Variants in ADRA1B observed in about 807,000 individuals in gnomAD.
ADRA1B encodes the protein alpha-1B adrenergic receptor.
A neutral mutation model predicts 17.9 loss-of-function variants in ADRA1B; 17 were observed. That is an observed-to-expected ratio of 0.95 (90% CI 0.65 to 1.42). The LOEUF (loss-of-function observed/expected upper bound fraction) is 1.42. Among genes scored for constraint, ADRA1B ranks in the 40% most tolerant of loss-of-function variants. The pLI is 0.00. For missense variants in ADRA1B, 681 were observed against 722.1 expected (o/e 0.94, Z 0.65); for synonymous variants, 366 against 327.6 (o/e 1.12, Z -1.27).
At chr5:159,874,326 C>T (rs181056476) in intron 1 of ADRA1B, among the ~76,000 whole-genome samples, 3 of 152,268 alleles carry the variant, frequency 2.0e-5, no homozygotes, top group Admixed American at 2.0e-4. Context: ...GAAATAAATT[C>T]CTTATTTTCT....
At chr5:159,884,229 G>T (rs972039990) in intron 1 of ADRA1B, among the ~76,000 whole-genome samples, 2 of 152,244 alleles carry the variant, frequency 1.3e-5, no homozygotes, top group African/African-American at 4.8e-5. Flanking sequence ...TAAATGGCAT[G>T]CTATTATGTT....
upstream of ADRA1B, among the ~76,000 whole-genome samples, chr5:159,913,972 A>G (rs904606100): frequency 2.0e-5 from 3 of 152,158 alleles, no homozygotes; most frequent in South Asian, 2.1e-4. Context: ...TCCCCTTATA[A>G]GTAAACCAGC....
Position 159,916,839 on chromosome 5 carries a change from TG to T in ADRA1B, c.-66del. On this transcript the variant is annotated 5_prime_UTR_variant, in exon 1 of 2. The change abolishes the stop of an existing upstream ORF in the 5' untranslated region. Transcript: ENST00000306675. ...GGGGGAAGCAAAGTTTCAGGGCAGC[TG>T]AGGAGCCTTCGCCGCAGCCCTTCCG... 1 of 1,469,226 alleles carries T rather than the reference TG, an allele frequency of 6.8e-7. No individual in the cohort carries two copies. Among genetic ancestry groups the T allele is most frequent in the South Asian group, 1.3e-5 (1 of 75,684 alleles). 91.0% of individuals were successfully genotyped at this position (1,469,226 alleles called of 1,614,324 possible).
At chr5:159,984,824 G>C in the ADRA1B span, among the ~76,000 whole-genome samples, 1 of 151,306 alleles carries the variant, frequency 6.6e-6, no homozygotes, top group African/African-American at 2.4e-5. Flanking sequence ...CAGGAGAATT[G>C]CTTGAACCTG....
intron 1 of ADRA1B, among the ~76,000 whole-genome samples, chr5:159,962,896 CTT>C (rs1212672838): frequency 1.9e-5 from 1 of 53,604 alleles, no homozygotes; most frequent in Non-Finnish European, 3.8e-5. Flanking sequence ...GCTTTTATTT[CTT>C]TTTCTTTTCT....
At chr5:159,921,112 T>C (rs557673312) in intron 1 of ADRA1B, among the ~76,000 whole-genome samples, 2 of 152,324 alleles carry the variant, frequency 1.3e-5, no homozygotes, top group Admixed American at 1.3e-4. Flanking sequence ...CTTCATCTCT[T>C]ATTTTTATTT....
chr5:159,948,625 T>C (rs538536279), intron 1 of ADRA1B: 1 of 248,492 alleles, frequency 4.0e-6, no homozygotes, highest in East Asian at 1.8e-4. Context: ...CAGCCATTTT[T>C]CTATGGCATA....
chr5:159,973,267 G>A (rs1430759433), downstream of ADRA1B, among the ~76,000 whole-genome samples: 1 of 152,184 alleles, frequency 6.6e-6, no homozygotes, highest in Non-Finnish European at 1.5e-5. Context: ...TGAACGTGAC[G>A]CCCTGGACTT....
chr5:159,873,270 T>C (rs542452384), intron 1 of ADRA1B, among the ~76,000 whole-genome samples: 8 of 152,300 alleles, frequency 5.3e-5, no homozygotes, highest in African/African-American at 1.9e-4. Flanking sequence ...GAATGATTTA[T>C]AATCCTTTGG....
intron 1 of ADRA1B, among the ~76,000 whole-genome samples, chr5:159,906,328 A>G (rs1754160633): frequency 6.6e-6 from 1 of 152,204 alleles, no homozygotes; most frequent in South Asian, 2.1e-4. Context: ...CCTCTCTATG[A>G]GACATTCAAC....
At chr5:159,986,863 C>T in the ADRA1B span, among the ~76,000 whole-genome samples, 1 of 152,190 alleles carries the variant, frequency 6.6e-6, no homozygotes, top group Admixed American at 6.5e-5. Flanking sequence ...TTTTACTCCC[C>T]CCTCAACGGC....
At position 159,972,867 on chromosome 5, in the gene ADRA1B, G is replaced by C. The variant is rs532185249; in HGVS notation, c.*375G>C. On this transcript the variant is annotated 3_prime_UTR_variant, in exon 2 of 2. Coordinates refer to ENST00000306675, the MANE Select transcript of ADRA1B (RefSeq NM_000679.4). ...GTGCGTGGGGCCGCCCTGTGAGGGC[G>C]CGGCGACTGTGCGCCCAGGAGGCAA... Among the ~76,000 whole-genome samples, 2 of 152,216 alleles carry C rather than the reference G, an allele frequency of 1.3e-5. No individual in the cohort carries two copies. The highest frequency in any genetic ancestry group is 2.9e-5 in the Non-Finnish European group (2 of 68,030).
intron 1 of ADRA1B, among the ~76,000 whole-genome samples, chr5:159,925,736 A>G (rs1300681803): frequency 6.6e-6 from 1 of 152,208 alleles, no homozygotes; most frequent in Non-Finnish European, 1.5e-5. Context: ...CCCACACAAA[A>G]TCTGTCTTAA....
At chr5:159,974,929 T>G (rs537005705), downstream of ADRA1B, among the ~76,000 whole-genome samples, 32 of 152,276 alleles carry the variant, frequency 2.1e-4, no homozygotes, top group African/African-American at 7.7e-4. Flanking sequence ...GTCTTCTGCC[T>G]CTTTGTCCAG....
chr5:159,910,908 T>C (rs1398394957), intron 1 of ADRA1B, among the ~76,000 whole-genome samples: 1 of 152,204 alleles, frequency 6.6e-6, no homozygotes, highest in African/African-American at 2.4e-5. Context: ...GCTTTGTCTT[T>C]TGTTTTTTGC....
At chr5:159,951,333 A>T in intron 1 of ADRA1B, 1 of 1,306,124 alleles carries the variant, frequency 7.7e-7, no homozygotes, top group Non-Finnish European at 1.1e-6. Flanking sequence ...AGTGCCATGG[A>T]ATTTGCCATG....
At chr5:159,962,312 G>A (rs1272767585) in intron 1 of ADRA1B, among the ~76,000 whole-genome samples, 2 of 152,188 alleles carry the variant, frequency 1.3e-5, no homozygotes, top group Non-Finnish European at 2.9e-5. Flanking sequence ...GCTGCTGGGG[G>A]CTTAATAACA....
chr5:159,876,774 T>A (rs1365707540), intron 1 of ADRA1B, among the ~76,000 whole-genome samples: 1 of 152,244 alleles, frequency 6.6e-6, no homozygotes, highest in African/African-American at 2.4e-5. Context: ...CTGTGGGGTC[T>A]GTTGGTGCTA....
At chr5:159,943,530 C>A (rs543413240) in intron 1 of ADRA1B, among the ~76,000 whole-genome samples, 1 of 152,018 alleles carries the variant, frequency 6.6e-6, no homozygotes, top group Non-Finnish European at 1.5e-5. Flanking sequence ...GATTAAAGAT[C>A]GTTAGTCTAA....
Sources: gnomAD v4.1 joint callset for allele counts (sites outside exome capture counted in the v4.1 genomes callset) on GRCh38, gnomAD v4.1.1 for gene constraint, MANE v1.5 for transcripts, NCBI Gene and HGNC (gene_info 2026-07-23, HGNC 2026-07-21) for gene names.